The following C6orf132 variants were observed in gnomAD, a reference collection of about 807,000 sequenced individuals.
C6orf132 encodes the protein chromosome 6 open reading frame 132.
Under a neutral mutation model 65.3 loss-of-function variants are expected in C6orf132, and 43 were observed. The ratio of observed to expected loss-of-function variants is 0.66; its 90% CI spans 0.52 to 0.85. The LOEUF (loss-of-function observed/expected upper bound fraction) is 0.85. Among genes scored for constraint, C6orf132 ranks in the 40% least tolerant of loss-of-function variants. The probability of loss-of-function intolerance (pLI) is 0.00; values close to 1 mark genes in which losing one functional copy is unlikely to be tolerated. For missense variants in C6orf132, 1,488 were observed against 1,548.8 expected (o/e 0.96, Z 0.66); for synonymous variants, 631 against 654.1 (o/e 0.96, Z 0.54).
chr6:42,136,888 C>G (rs894924518), intron 1 of C6orf132, among the ~76,000 whole-genome samples: 2 of 152,034 alleles, frequency 1.3e-5, no homozygotes, highest in Non-Finnish European at 2.9e-5. Flanking sequence ...ATGGCGCCGC[C>G]CCCCCAGCCC....
rs1168631258 is a variant in C6orf132, at chr6:42,124,184, T to G, written c.252+4488A>C. ...CGCATCCCAGCAGCAGAGCTGGGAC[T>G]GGTGTCAGCTGCTGGAGTATTAGCC... On this transcript the variant is annotated intron_variant, in intron 2 of 4. Coordinates refer to ENST00000341865, the MANE Select transcript of C6orf132 (RefSeq NM_001164446.3). The surrounding 1 kb of genome is among the most constrained non-coding windows in gnomAD (Gnocchi z 4.0). Among the ~76,000 whole-genome samples, 2 of 152,178 alleles carry G rather than the reference T, an allele frequency of 1.3e-5. No homozygotes were observed. Among genetic ancestry groups the G allele is most frequent in the East Asian group, 3.9e-4 (2 of 5,190 alleles).
chr6:42,136,210 C>T (rs2127480106), intron 1 of C6orf132, among the ~76,000 whole-genome samples: 1 of 150,760 alleles, frequency 6.6e-6, no homozygotes, highest in South Asian at 2.1e-4. Flanking sequence ...AGGAAATGGG[C>T]CTAGGAATCA....
In C6orf132 at chr6:42,124,963, T is replaced by C. The variant is rs1766742423; in HGVS notation, c.252+3709A>G. The stretch of plus-strand genomic sequence containing the variant: ...GGGCCACTGGGCCAAGGGTTCCTAA[T>C]CTAAAGGCATATCATGGGTGGGCTT... On this transcript the variant is annotated intron_variant, in intron 2 of 4. Transcript: ENST00000341865. This position sits in a 1 kb window ranked among gnomAD's most constrained non-coding sequence, Gnocchi z 4.0. Among the ~76,000 whole-genome samples the C allele has an allele frequency of 6.6e-6, 1 of 152,190 alleles. No individual in the cohort carries two copies. Among genetic ancestry groups the C allele is most frequent in the Non-Finnish European group, 1.5e-5 (1 of 68,036 alleles).
chr6:42,134,528 C>G (rs11966180), intron 1 of C6orf132, among the ~76,000 whole-genome samples: 5,249 of 152,066 alleles, frequency 0.035, 126 homozygotes, highest in Non-Finnish European at 0.058. Context: ...AATCCCAGCA[C>G]TTTGGGAGGC....
At chr6:42,109,266 C>G (rs1323539530) in intron 3 of C6orf132, among the ~76,000 whole-genome samples, 1 of 151,984 alleles carries the variant, frequency 6.6e-6, no homozygotes, top group Non-Finnish European at 1.5e-5. Flanking sequence ...AACACTGTCT[C>G]TACTAAAAAT....
At chr6:42,130,454 G>C (rs549956962) in intron 1 of C6orf132, among the ~76,000 whole-genome samples, 1 of 152,306 alleles carries the variant, frequency 6.6e-6, no homozygotes, top group East Asian at 1.9e-4. Context: ...GCATTTTCTA[G>C]AGAGTGCTGT....
At chr6:42,115,423 G>T (rs1322884583) in intron 2 of C6orf132, among the ~76,000 whole-genome samples, 2 of 151,834 alleles carry the variant, frequency 1.3e-5, no homozygotes, top group Non-Finnish European at 2.9e-5. Flanking sequence ...GAGGCGGGCG[G>T]ATCATGAGGT....
rs1240040621 is a variant in C6orf132 at position 42,104,770 on chromosome 6, C to T, written c.3142G>A (p.Ala1048Thr). Residue 1048 changes from alanine (A) to threonine (T), a missense_variant, in exon 4 of 5, where the codon GCT becomes ACT. Physicochemically the swap from Ala to Thr is moderately conservative, Grantham distance 58 (BLOSUM62 0). Transcript: ENST00000341865. This position sits in a 1 kb window ranked among gnomAD's most constrained non-coding sequence, Gnocchi z 4.1. ...RFPAGARYAG[A>T]GGLERFSGGG... is the part of the protein sequence containing the mutation. ...CCCGAGAAGCGCTCCAGGCCCCCAG[C>T]CCCGGCGTAGCGCGCGCCCGCGGGA... is the stretch of plus-strand genomic sequence containing the variant. The T allele has an allele frequency of 6.6e-7, 1 of 1,511,038 alleles. No individual in the cohort carries two copies. The highest frequency in any genetic ancestry group is 8.8e-7 in the Non-Finnish European group (1 of 1,136,258). The allele number at this position is 1,511,038 out of a possible 1,614,324, so 93.6% of individuals were successfully genotyped here. A position where few individuals can be genotyped will look rare whatever the true frequency, so the allele number is the denominator to read the frequency against.
intron 1 of C6orf132, among the ~76,000 whole-genome samples, chr6:42,140,796 C>T (rs1767018404): frequency 6.6e-6 from 1 of 152,222 alleles, no homozygotes; most frequent in Non-Finnish European, 1.5e-5. Flanking sequence ...ATCAGTAACA[C>T]AAAGATTTTA....
At position 42,107,053 on chromosome 6, in the gene C6orf132, C is replaced by T. The variant is rs748254976; in HGVS notation, c.859G>A (p.Ala287Thr). 52 of 1,498,398 alleles carry T rather than the reference C, an allele frequency of 3.5e-5. No individual in the cohort carries two copies. In the African/African-American group the frequency reaches 5.2e-4, roughly 15 times the overall value. 92.8% of individuals were successfully genotyped at this position (1,498,398 alleles called of 1,614,324 possible). The change falls in exon 4 of 5, where the codon GCC becomes ACC. Residue 287 changes from alanine to threonine, a missense_variant. By Grantham distance (58) the Ala-to-Thr change is moderately conservative (BLOSUM62 0). Coordinates refer to ENST00000341865, the MANE Select transcript of C6orf132 (RefSeq NM_001164446.3). ...PRSPAEPKGS[A>T]LGPNPEPHLT... is the part of the protein sequence containing the mutation. Reference sequence around the variant, plus strand: ...TGGGGCTCTGGGTTAGGTCCCAGGGCGCTCCCCTTTGGCTCAGCAGGGCTT... The same window carrying T: ...TGGGGCTCTGGGTTAGGTCCCAGGGTGCTCCCCTTTGGCTCAGCAGGGCTT...
intron 1 of C6orf132, among the ~76,000 whole-genome samples, chr6:42,132,981 C>T (rs1424334141): frequency 6.6e-6 from 1 of 152,100 alleles, no homozygotes; most frequent in Non-Finnish European, 1.5e-5. Context: ...TGAGGTGAGG[C>T]GCGTGTGTCT....
rs112193945 is a variant in C6orf132 at position 42,126,397 on chromosome 6, G to GT, written c.252+2274dup. On this transcript the variant is annotated intron_variant, in intron 2 of 4. Transcript: ENST00000341865. ...CTGGCTGTATTTCAGTATTTTATTT[G>GT]TTTTTTTTTTTTTATTCCCATTTTA... 389 of 142,962 alleles carry GT rather than the reference G, an allele frequency of 2.7e-3. 2 individuals are homozygous for GT. In the East Asian group the frequency reaches 0.034, roughly 13 times the overall value. 8.9% of individuals were successfully genotyped at this position (142,962 alleles called of 1,614,324 possible).
intron 2 of C6orf132, among the ~76,000 whole-genome samples, chr6:42,121,428 T>C (rs1295150073): frequency 5.3e-5 from 8 of 152,222 alleles, no homozygotes; most frequent in African/African-American, 1.9e-4. Context: ...TGAGGCTAGT[T>C]TCCCTTTGCA....
intron 2 of C6orf132, chr6:42,126,927 T>C (rs1766776974): frequency 2.9e-6 from 1 of 345,468 alleles, no homozygotes; most frequent in South Asian, 6.7e-5. Flanking sequence ...TTTTATGCAT[T>C]CTCTGGAAAC....
At chr6:42,125,391 A>G (rs1766748328) in intron 2 of C6orf132, among the ~76,000 whole-genome samples, 1 of 152,130 alleles carries the variant, frequency 6.6e-6, no homozygotes, top group Non-Finnish European at 1.5e-5. Context: ...GTTAACACAC[A>G]TGGTCCACGT....
At chr6:42,107,887 C>G (rs1037128270) in intron 3 of C6orf132, among the ~76,000 whole-genome samples, 7 of 152,142 alleles carry the variant, frequency 4.6e-5, no homozygotes, top group African/African-American at 1.7e-4. Flanking sequence ...CCCTTGCCCC[C>G]TGAGATGGGG....
chr6:42,115,302 AAAAAG>A (rs1766548997), intron 2 of C6orf132, among the ~76,000 whole-genome samples: 2 of 146,756 alleles, frequency 1.4e-5, no homozygotes, highest in East Asian at 2.0e-4. Flanking sequence ...AAAAAAAAAA[AAAAAG>A]AAAAGAAAAA....
chr6:42,132,224 T>C (rs1287071039), intron 1 of C6orf132, among the ~76,000 whole-genome samples: 2 of 151,768 alleles, frequency 1.3e-5, no homozygotes, highest in Non-Finnish European at 1.5e-5. Flanking sequence ...GTTATCAAAA[T>C]AAAAAAAGGG....
At position 42,107,094 on chromosome 6, in the gene C6orf132, C is replaced by T. The variant is rs1239254760; in HGVS notation, c.818G>A (p.Arg273Lys). The stretch of plus-strand genomic sequence containing the variant: ...AGCAGGGCTTCTCGGGGGGCTGGCT[C>T]TGGTGGCCTCTGCCTGCCTGCCATT... The part of the protein sequence containing the change: ...ALNGRQAEAT[R>K]ASPPRSPAEP... The change falls in exon 4 of 5, where the codon AGA becomes AAA. Residue 273 changes from arginine to lysine, a missense_variant. Coordinates refer to ENST00000341865, the MANE Select transcript of C6orf132 (RefSeq NM_001164446.3). 2 of 1,461,782 alleles carry T rather than the reference C, an allele frequency of 1.4e-6. No individual in the cohort carries two copies. Among genetic ancestry groups the T allele is most frequent in the Admixed American group, 2.6e-5 (1 of 39,084 alleles). The allele number at this position is 1,461,782 out of a possible 1,614,324, so 90.6% of individuals were successfully genotyped here. A position where few individuals can be genotyped will look rare whatever the true frequency, so the allele number is the denominator to read the frequency against.
Sources: gnomAD v4.1 joint callset for allele counts (sites outside exome capture counted in the v4.1 genomes callset) on GRCh38, gnomAD v4.1.1 for gene constraint, Gnocchi (gnomAD v3.1) non-coding constraint, MANE v1.5 for transcripts, NCBI Gene and HGNC (gene_info 2026-07-23, HGNC 2026-07-21) for gene names.